The following MMP26 variants were observed in gnomAD, a reference collection of about 807,000 sequenced individuals.
The protein encoded by MMP26 is matrix metalloproteinase-26.
In MMP26, 33 loss-of-function variants were observed where a neutral mutation model predicts 31.0. The observed-to-expected ratio is 1.06, with a 90% CI of 0.81 to 1.42. MMP26 has a LOEUF of 1.42. Among genes scored for constraint, MMP26 ranks in the 40% most tolerant of loss-of-function variants. The probability of loss-of-function intolerance (pLI) is 0.00; values close to 1 mark genes in which losing one functional copy is unlikely to be tolerated. For synonymous variants in MMP26, 122 were observed against 114.9 expected (o/e 1.06, Z -0.40); for missense variants, 347 against 316.1 (o/e 1.10, Z -0.74).
At chr11:4,932,484 C>T (rs547967194) in intron 2 of MMP26, among the ~76,000 whole-genome samples, 6 of 152,184 alleles carry the variant, frequency 3.9e-5, no homozygotes, top group Non-Finnish European at 5.9e-5. Context: ...CTGATAGAAG[C>T]CTAAGCTACA....
At chr11:4,900,088 A>T (rs1019515995) in intron 2 of MMP26, among the ~76,000 whole-genome samples, 3 of 151,892 alleles carry the variant, frequency 2.0e-5, no homozygotes, top group Admixed American at 6.6e-5. Context: ...TAAGGTGGAG[A>T]CTCAACTCTA....
intron 2 of MMP26, among the ~76,000 whole-genome samples, chr11:4,941,582 T>A (rs1003653870): frequency 6.6e-6 from 1 of 152,170 alleles, no homozygotes; most frequent in African/African-American, 2.4e-5. Flanking sequence ...GGGATGTAAA[T>A]CACTATATTT....
At chr11:4,718,077 T>C (rs746218022) in intron 1 of MMP26, among the ~76,000 whole-genome samples, 7 of 152,192 alleles carry the variant, frequency 4.6e-5, no homozygotes, top group Non-Finnish European at 1.5e-5. Flanking sequence ...TTGTCCAGGG[T>C]ATTATCACAC....
At chr11:4,959,156 T>G (rs1308526392) in intron 2 of MMP26, among the ~76,000 whole-genome samples, 1 of 143,292 alleles carries the variant, frequency 7.0e-6, no homozygotes, top group African/African-American at 2.6e-5. Flanking sequence ...GAGAACGGCG[T>G]GAATACGGGA....
At chr11:4,798,461 A>C (rs1433905) in intron 2 of MMP26, among the ~76,000 whole-genome samples, 8,865 of 152,274 alleles carry the variant, frequency 0.058, 461 homozygotes, top group African/African-American at 0.15. Context: ...ACAATACTCA[A>C]AATGCAAAGT....
intron 2 of MMP26, chr11:4,907,519 G>C (rs1334780589): frequency 6.2e-7 from 1 of 1,613,952 alleles, no homozygotes; most frequent in Admixed American, 1.7e-5. Context: ...TTATTATAAA[G>C]ACAGAGCCCT....
At chr11:4,767,570 T>C (rs1277202103) in intron 2 of MMP26, among the ~76,000 whole-genome samples, 2 of 152,200 alleles carry the variant, frequency 1.3e-5, no homozygotes, top group African/African-American at 4.8e-5. Context: ...GAAAAAGTTC[T>C]CAATGCTATT....
rs189543517 is a variant in MMP26, at chr11:4,825,884, A to G, written c.-145+58543A>G. On this transcript the variant is annotated intron_variant, in intron 2 of 7. Transcript: ENST00000380390. ...CCTCATTGAGTTTGATGCTGCGTTA[A>G]TCAGGGTTCAATCAAAAGACAGAAA... 3.7e-3 allele frequency among the ~76,000 whole-genome samples: 567 copies of G among 152,310 alleles called. 2 individuals carry two copies. Among genetic ancestry groups the G allele is most frequent in the African/African-American group, 0.013 (539 of 41,582 alleles).
intron 2 of MMP26, chr11:4,924,407 A>C (rs964967464): frequency 5.6e-5 from 82 of 1,460,902 alleles, no homozygotes; most frequent in Non-Finnish European, 7.4e-5. Flanking sequence ...ACAAGGCTGA[A>C]TTCTCACTCA....
chr11:4,765,632 AT>A (rs1256308072), intron 1 of MMP26, among the ~76,000 whole-genome samples: 4 of 152,090 alleles, frequency 2.6e-5, no homozygotes, highest in Non-Finnish European at 5.9e-5. Flanking sequence ...CCTGGCTTCT[AT>A]TATGTCAAGG....
intron 1 of MMP26, among the ~76,000 whole-genome samples, chr11:4,713,488 T>A (rs1847887482): frequency 6.6e-6 from 1 of 152,122 alleles, no homozygotes; most frequent in South Asian, 2.1e-4. Context: ...AACTCTTCTG[T>A]ACTGTCATCG....
At chr11:4,843,960 A>G (rs1849832276) in intron 2 of MMP26, among the ~76,000 whole-genome samples, 1 of 152,218 alleles carries the variant, frequency 6.6e-6, no homozygotes, top group Non-Finnish European at 1.5e-5. Context: ...AAAGAAAACA[A>G]CACAAATGAT....
At chr11:4,919,608 GCCA>G (rs562298302) in intron 2 of MMP26, among the ~76,000 whole-genome samples, 247 of 152,182 alleles carry the variant, frequency 1.6e-3, no homozygotes, top group African/African-American at 5.4e-3. Context: ...TTGAACCAAC[GCCA>G]CAACTTTGGG....
At chr11:4,965,639 A>T (rs960140297) in intron 2 of MMP26, among the ~76,000 whole-genome samples, 1 of 152,208 alleles carries the variant, frequency 6.6e-6, no homozygotes, top group Admixed American at 6.5e-5. Context: ...AAAAGTATGC[A>T]TTGCTTAGAG....
intron 1 of MMP26, among the ~76,000 whole-genome samples, chr11:4,743,773 C>A (rs765010925): frequency 6.6e-6 from 1 of 152,092 alleles, no homozygotes; most frequent in Non-Finnish European, 1.5e-5. Flanking sequence ...CAGAATTATA[C>A]GTTAATGAGT....
chr11:4,765,891 A>G (rs1027083905), intron 1 of MMP26, among the ~76,000 whole-genome samples: 35 of 152,240 alleles, frequency 2.3e-4, no homozygotes, highest in African/African-American at 7.9e-4. Flanking sequence ...TTCCTTTTCC[A>G]TCTACTAGGG....
intron 2 of MMP26, among the ~76,000 whole-genome samples, chr11:4,828,566 G>A (rs1173792129): frequency 6.6e-6 from 1 of 152,054 alleles, no homozygotes. Context: ...TTTAGAAAGC[G>A]GGGGGAGATT....
chr11:4,824,747 T>C (rs1283789391), intron 2 of MMP26, among the ~76,000 whole-genome samples: 2 of 152,166 alleles, frequency 1.3e-5, no homozygotes, highest in African/African-American at 2.4e-5. Flanking sequence ...CATTATCATA[T>C]CCAATCTTGA....
intron 2 of MMP26, among the ~76,000 whole-genome samples, chr11:4,958,526 C>A (rs1345304121): frequency 6.6e-6 from 1 of 151,880 alleles, no homozygotes; most frequent in Non-Finnish European, 1.5e-5. Context: ...CTTTTCATAT[C>A]TATCTATCTG....
Sources: gnomAD v4.1 joint callset for allele counts (sites outside exome capture counted in the v4.1 genomes callset) on GRCh38, gnomAD v4.1.1 for gene constraint, MANE v1.5 for transcripts, NCBI Gene and HGNC (gene_info 2026-07-23, HGNC 2026-07-21) for gene names.